COL4A2: variants seen among roughly 807,000 people sequenced by gnomAD.
COL4A2 encodes collagen type IV alpha 2 chain, also known as collagen alpha-2(IV) chain.
A neutral mutation model predicts 200.2 loss-of-function variants in COL4A2; 99 were observed. The ratio of observed to expected loss-of-function variants is 0.49; its 90% CI spans 0.42 to 0.58. The LOEUF (loss-of-function observed/expected upper bound fraction) is 0.58, where lower values mean the gene tolerates loss of function less well. COL4A2 is among the 20% of genes least tolerant of loss of function. The pLI is 0.00. For synonymous variants in COL4A2, 897 were observed against 900.6 expected, an observed-to-expected ratio of 1.00 and a Z score of 0.07; for missense variants, 1,950 against 2,314.1, an observed-to-expected ratio of 0.84 and a Z score of 3.23.
chr13:110,396,052 C>T (rs1353764767), intron 4 of COL4A2, among the ~76,000 whole-genome samples: 1 of 152,210 alleles, frequency 6.6e-6, no homozygotes, highest in Non-Finnish European at 1.5e-5. Flanking sequence ...ATGTACTCTT[C>T]TCCCCCTTCT....
In COL4A2 at chr13:110,373,860, CA is replaced by C; in HGVS notation, c.180+16310del. The stretch of plus-strand genomic sequence containing the variant: ...GAGTGTAAGTTAATCGGGCACATGC[CA>C]AGGGGCAGCATCCGTTTTCTTTTTA... On this transcript the variant is annotated intron_variant, in intron 4 of 47. Transcript: ENST00000360467. 1.3e-5 allele frequency among the ~76,000 whole-genome samples: 2 copies of C among 152,320 alleles called. 1 individual carries two copies. Among genetic ancestry groups the C allele is most frequent in the Middle Eastern group, 6.8e-3 (2 of 294 alleles).
intron 3 of COL4A2, among the ~76,000 whole-genome samples, chr13:110,354,207 G>A (rs922724038): frequency 4.6e-5 from 7 of 152,162 alleles, no homozygotes; most frequent in African/African-American, 1.4e-4. Context: ...CAGGAGGCCC[G>A]CCTGCCCTTC....
chr13:110,317,095 A>G (rs1221002622), intron 3 of COL4A2, among the ~76,000 whole-genome samples: 1 of 151,576 alleles, frequency 6.6e-6, no homozygotes, highest in African/African-American at 2.4e-5. Context: ...CAGCACACAC[A>G]TACAGACACA....
At chr13:110,462,226 G>A (rs1184923588) in intron 23 of COL4A2, 40 bp downstream of exon 23, 2 of 1,614,272 alleles carry the variant, frequency 1.2e-6, no homozygotes, top group Non-Finnish European at 1.7e-6. Context: ...GGGGCACTGA[G>A]CCTTCCTGTG....
intron 16 of COL4A2, among the ~76,000 whole-genome samples, chr13:110,443,702 C>T (rs984198600): frequency 6.6e-6 from 1 of 152,122 alleles, no homozygotes; most frequent in African/African-American, 2.4e-5. Context: ...AGGGTGGGCT[C>T]TGTGGTGAGC....
intron 37 of COL4A2, among the ~76,000 whole-genome samples, chr13:110,491,711 G>A (rs987955022): frequency 2.6e-5 from 4 of 152,138 alleles, no homozygotes; most frequent in South Asian, 2.1e-4. Context: ...GGCTTCCCAC[G>A]CTGTTGCTGC....
intron 4 of COL4A2, among the ~76,000 whole-genome samples, chr13:110,407,219 C>T (rs566566861): frequency 2.6e-5 from 4 of 152,342 alleles, no homozygotes; most frequent in African/African-American, 4.8e-5. Context: ...GTGGGAAAGC[C>T]GGTGTGGGAG....
chr13:110,493,633 G>T (rs1319429331), intron 39 of COL4A2, among the ~76,000 whole-genome samples: 1 of 152,164 alleles, frequency 6.6e-6, no homozygotes, highest in Non-Finnish European at 1.5e-5. Context: ...TCTGCCCATT[G>T]CCTGTCTGTG....
At chr13:110,409,313 T>C (rs1879738668) in intron 4 of COL4A2, among the ~76,000 whole-genome samples, 1 of 152,204 alleles carries the variant, frequency 6.6e-6, no homozygotes, top group Non-Finnish European at 1.5e-5. Flanking sequence ...CTGTGACGGG[T>C]AAATCGCAAT....
chr13:110,374,129 G>A (rs964618316), intron 4 of COL4A2, among the ~76,000 whole-genome samples: 1 of 152,206 alleles, frequency 6.6e-6, no homozygotes, highest in African/African-American at 2.4e-5. Context: ...GGGTCAGCAT[G>A]CATTGTCATG....
At chr13:110,425,137 C>T (rs1880425468) in intron 6 of COL4A2, 140 bp downstream of exon 6, 6 of 934,932 alleles carry the variant, frequency 6.4e-6, no homozygotes, top group Middle Eastern at 3.0e-4. Flanking sequence ...CGTGCGTATT[C>T]TCCCCGCGGA....
intron 4 of COL4A2, among the ~76,000 whole-genome samples, chr13:110,363,716 C>T (rs577711666): frequency 6.6e-5 from 10 of 152,320 alleles, no homozygotes; most frequent in African/African-American, 2.2e-4. Flanking sequence ...AAGGCATCTT[C>T]TATTGTGTAT....
intron 3 of COL4A2, among the ~76,000 whole-genome samples, chr13:110,349,267 T>C (rs904151750): frequency 6.6e-6 from 1 of 152,206 alleles, no homozygotes; most frequent in African/African-American, 2.4e-5. Context: ...AGAAGTGACA[T>C]TGGGCAGTTT....
At chr13:110,433,783 C>T (rs73617529) in intron 11 of COL4A2, among the ~76,000 whole-genome samples, 2,761 of 152,272 alleles carry the variant, frequency 0.018, 67 homozygotes, top group African/African-American at 0.054. Flanking sequence ...TAGAGGTCAG[C>T]GTTGTCAGTC....
At chr13:110,328,045 A>G (rs1055062038) in intron 3 of COL4A2, among the ~76,000 whole-genome samples, 1 of 152,202 alleles carries the variant, frequency 6.6e-6, no homozygotes, top group East Asian at 1.9e-4. Context: ...ATCAACCTAG[A>G]CTAATCACTC....
At chr13:110,467,164 C>G in intron 27 of COL4A2, 68 bp downstream of exon 27, 1 of 1,592,582 alleles carries the variant, frequency 6.3e-7, no homozygotes, top group Non-Finnish European at 8.6e-7. Context: ...CTGTGTCTCC[C>G]CCGCCCATCT....
intron 27 of COL4A2, among the ~76,000 whole-genome samples, chr13:110,468,814 T>A (rs1882350790): frequency 1.3e-5 from 2 of 152,018 alleles, no homozygotes; most frequent in African/African-American, 4.8e-5. Flanking sequence ...TTGAAAAGAG[T>A]CACCTCATAG....
At chr13:110,459,075 A>ATTTT in intron 22 of COL4A2, 141 bp downstream of exon 22, 1 of 817,510 alleles carries the variant, frequency 1.2e-6, no homozygotes, top group Non-Finnish European at 1.8e-6. Flanking sequence ...AACCATTCTA[A>ATTTT]AAACCCACAT....
chr13:110,430,864 G>T lies in COL4A2; in HGVS notation c.648+257G>T, dbSNP rs137959645. 62 of 692,290 alleles carry T rather than the reference G, an allele frequency of 9.0e-5. No homozygotes were observed. The African/African-American group carries it at 9.7e-4, about 11-fold the overall frequency. 42.9% of individuals were successfully genotyped at this position (692,290 alleles called of 1,614,324 possible). On this transcript the variant is annotated intron_variant, in intron 10 of 47. Coordinates refer to ENST00000360467, the MANE Select transcript of COL4A2 (RefSeq NM_001846.4). ...CAAATTTTGACTTGGTTCCGGCAGGGTGCCCTTCCATCCCCACCCCATACC... is the reference window on the plus strand; with the variant it reads ...CAAATTTTGACTTGGTTCCGGCAGGTTGCCCTTCCATCCCCACCCCATACC...
Sources: gnomAD v4.1 joint callset for allele counts (sites outside exome capture counted in the v4.1 genomes callset) on GRCh38, gnomAD v4.1.1 for gene constraint, MANE v1.5 for transcripts, NCBI Gene and HGNC (gene_info 2026-07-23, HGNC 2026-07-21) for gene names.